The following RYR3 variants were observed in gnomAD, a reference collection of about 807,000 sequenced individuals.
RYR3 encodes the protein ryanodine receptor 3.
In RYR3, 207 loss-of-function variants were observed where a neutral mutation model predicts 584.3. The ratio of observed to expected loss-of-function variants is 0.35; its 90% CI spans 0.32 to 0.40. RYR3 has a LOEUF of 0.40. Among genes scored for constraint, RYR3 ranks in the 10% least tolerant of loss-of-function variants. The probability of loss-of-function intolerance (pLI) is 1.00; values close to 1 mark genes in which losing one functional copy is unlikely to be tolerated. For missense variants in RYR3, 5,616 were observed against 6,089.2 expected, an observed-to-expected ratio of 0.92 and a Z score of 2.59; for synonymous variants, 2,416 against 2,248.5, an observed-to-expected ratio of 1.07 and a Z score of -2.11.
chr15:33,647,484 G>C lies in RYR3; in HGVS notation c.3978+24G>C, dbSNP rs976919470. The C allele has an allele frequency of 3.2e-6, 5 of 1,556,850 alleles. No homozygotes were observed. The African/African-American group carries it at 6.8e-5, about 21-fold the overall frequency. On this transcript the variant is annotated intron_variant, in intron 30 of 103. Transcript: ENST00000634891. ...CAGTAAGTAAATGTGCTCAATTATG[G>C]TTTTAATTATTTGATTCTTTGTTGT...
At chr15:33,363,569 A>G (rs1272831136) in intron 1 of RYR3, among the ~76,000 whole-genome samples, 2 of 152,172 alleles carry the variant, frequency 1.3e-5, no homozygotes, top group Non-Finnish European at 2.9e-5. Context: ...AGATATTTGT[A>G]TCCGTATTTT....
At chr15:33,557,269 C>T (rs2057127908) in intron 10 of RYR3, among the ~76,000 whole-genome samples, 1 of 152,230 alleles carries the variant, frequency 6.6e-6, no homozygotes, top group Non-Finnish European at 1.5e-5. Flanking sequence ...GTGATACATA[C>T]CACTTTGTGG....
chr15:33,465,923 C>T (rs551412787), intron 1 of RYR3, among the ~76,000 whole-genome samples: 171 of 152,254 alleles, frequency 1.1e-3, no homozygotes, highest in African/African-American at 3.9e-3. Flanking sequence ...CCTCCGTTCA[C>T]TCAAGCAACC....
chr15:33,606,521 C>T (rs1018250958), intron 18 of RYR3, among the ~76,000 whole-genome samples: 1 of 152,148 alleles, frequency 6.6e-6, no homozygotes, highest in African/African-American at 2.4e-5. Flanking sequence ...GAGAAGCAGC[C>T]TTAATAGGCC....
At chr15:33,538,429 G>T (rs186758585) in intron 5 of RYR3, among the ~76,000 whole-genome samples, 34 of 152,204 alleles carry the variant, frequency 2.2e-4, no homozygotes, top group Non-Finnish European at 4.9e-4. Flanking sequence ...AGGAGCTGGG[G>T]TTTTACTAAT....
chr15:33,513,291 G>A lies in RYR3; in HGVS notation c.279+9553G>A, dbSNP rs1338695816. Among the ~76,000 whole-genome samples, 6 of 152,156 alleles carry A rather than the reference G, an allele frequency of 3.9e-5. No individual in the cohort carries two copies. In the East Asian group the frequency reaches 5.8e-4, roughly 15 times the overall value. On this transcript the variant is annotated intron_variant, in intron 3 of 103. Transcript: ENST00000634891. Reference sequence around the variant, plus strand: ...TTCATTAAAGCTTAATAAGAGCACCGATCTGGATATTCTGGTAAAGAAAAG... The same window carrying A: ...TTCATTAAAGCTTAATAAGAGCACCAATCTGGATATTCTGGTAAAGAAAAG...
chr15:33,442,552 C>T (rs149760972), intron 1 of RYR3, among the ~76,000 whole-genome samples: 257 of 152,290 alleles, frequency 1.7e-3, no homozygotes, highest in African/African-American at 4.5e-3. Flanking sequence ...TTTGCAAAGA[C>T]GTATCATGTA....
At chr15:33,784,361 A>C (rs735611) in intron 65 of RYR3, among the ~76,000 whole-genome samples, 9 of 152,234 alleles carry the variant, frequency 5.9e-5, no homozygotes, top group Non-Finnish European at 1.2e-4. Flanking sequence ...CTAGAGAAGA[A>C]AGACCTCAAG....
intron 3 of RYR3, among the ~76,000 whole-genome samples, chr15:33,524,754 T>C (rs937528746): frequency 1.3e-5 from 2 of 152,236 alleles, no homozygotes; most frequent in African/African-American, 2.4e-5. Context: ...CTTTCATTAC[T>C]AGAAAAGATA....
At chr15:33,819,045 C>T (rs569848198) in intron 76 of RYR3, among the ~76,000 whole-genome samples, 4 of 152,026 alleles carry the variant, frequency 2.6e-5, no homozygotes, top group African/African-American at 9.7e-5. Context: ...ATCGCTTGAA[C>T]CCGGGAGGCG....
At chr15:33,793,963 T>C (rs913592004) in intron 67 of RYR3, among the ~76,000 whole-genome samples, 6 of 128,502 alleles carry the variant, frequency 4.7e-5, no homozygotes, top group Non-Finnish European at 3.3e-5. Flanking sequence ...TATTTATTTA[T>C]GTAAATGTAT....
rs558361107 is a variant in RYR3 at position 33,701,980 on chromosome 15, T to G, written c.6483+900T>G. Among the ~76,000 whole-genome samples, 14 of 151,862 alleles carry G rather than the reference T, an allele frequency of 9.2e-5. No homozygotes were observed. The South Asian group carries it at 2.7e-3, about 29-fold the overall frequency. ...ATTGAACTTATGCTACCATTTCTAT[T>G]ACTAAAAGAAATTCATGCTCATACA... On this transcript the variant is annotated intron_variant, in intron 42 of 103. Transcript: ENST00000634891.
intron 10 of RYR3, among the ~76,000 whole-genome samples, chr15:33,553,573 G>A (rs1356218495): frequency 1.7e-5 from 2 of 120,370 alleles, no homozygotes; most frequent in Admixed American, 9.0e-5. Flanking sequence ...ACTTTGAGCA[G>A]GCTATACAAA....
intron 43 of RYR3, among the ~76,000 whole-genome samples, chr15:33,721,767 G>T (rs2067934137): frequency 6.7e-6 from 1 of 148,978 alleles, no homozygotes; most frequent in African/African-American, 2.5e-5. Flanking sequence ...CTGAGACAGA[G>T]TTTTTTTTTT....
At chr15:33,312,517 C>T (rs1967484893) in intron 1 of RYR3, among the ~76,000 whole-genome samples, 1 of 152,138 alleles carries the variant, frequency 6.6e-6, no homozygotes, top group Admixed American at 6.5e-5. Flanking sequence ...CCCACAGTTG[C>T]AACTCATGAC....
chr15:33,534,800 C>T (rs1010246013), intron 5 of RYR3, among the ~76,000 whole-genome samples: 1 of 152,136 alleles, frequency 6.6e-6, no homozygotes, highest in Non-Finnish European at 1.5e-5. Flanking sequence ...GGAGAACAGC[C>T]GGCCTTGGGA....
chr15:33,613,972 A>G (rs1463347168), intron 19 of RYR3, among the ~76,000 whole-genome samples: 1 of 152,154 alleles, frequency 6.6e-6, no homozygotes, highest in Non-Finnish European at 1.5e-5. Flanking sequence ...TGCCAATTTC[A>G]TTTTTGGTCA....
At chr15:33,728,639 T>C (rs369504296) in intron 46 of RYR3, among the ~76,000 whole-genome samples, 64 of 152,360 alleles carry the variant, frequency 4.2e-4, no homozygotes, top group African/African-American at 1.5e-3. Context: ...AGAATACTCA[T>C]GAGCATTTCC....
chr15:33,714,566 T>C (rs2067357890), intron 43 of RYR3, among the ~76,000 whole-genome samples: 3 of 152,178 alleles, frequency 2.0e-5, no homozygotes, highest in Admixed American at 6.5e-5. Flanking sequence ...TCCCTTCCTA[T>C]TGTAGACTCT....
Sources: allele counts gnomAD v4.1 joint callset (sites outside exome capture counted in the v4.1 genomes callset), GRCh38; gene constraint gnomAD v4.1.1; transcripts MANE v1.5; gene names NCBI Gene and HGNC (gene_info 2026-07-23, HGNC 2026-07-21).